Variants in LAMA1 observed in about 807,000 individuals in gnomAD.
The protein encoded by LAMA1 is laminin subunit alpha 1.
A neutral mutation model predicts 348.7 loss-of-function variants in LAMA1; 219 were observed. That is an observed-to-expected ratio of 0.63 (90% CI 0.56 to 0.70). The LOEUF is 0.70. Ranked by LOEUF, LAMA1 falls within the 30% of genes least tolerant of loss-of-function variation. The probability of loss-of-function intolerance (pLI) is 0.00; values close to 1 mark genes in which losing one functional copy is unlikely to be tolerated. For missense variants in LAMA1, 3,744 were observed against 3,888.0 expected, an observed-to-expected ratio of 0.96 and a Z score of 0.99; for synonymous variants, 1,487 against 1,491.0, an observed-to-expected ratio of 1.00 and a Z score of 0.06.
intron 1 of LAMA1, among the ~76,000 whole-genome samples, chr18:7,094,124 C>T (rs1164168774): frequency 6.6e-6 from 1 of 152,042 alleles, no homozygotes. Context: ...GTATCCGGTT[C>T]CAGTGCAGAT....
intron 47 of LAMA1, 165 bp from the exon 48 acceptor site, chr18:6,972,146 C>T: frequency 1.4e-6 from 1 of 712,982 alleles, no homozygotes; most frequent in Non-Finnish European, 2.4e-6. Context: ...GATTTCCTTT[C>T]AGTTATGAAG....
intron 1 of LAMA1, among the ~76,000 whole-genome samples, chr18:7,089,256 G>A (rs561358730): frequency 1.3e-5 from 2 of 152,236 alleles, no homozygotes; most frequent in East Asian, 3.9e-4. Flanking sequence ...TGAAGCACCT[G>A]TAGTCCCACC....
In LAMA1 at chr18:7,007,274, G is replaced by A; in HGVS notation, c.4125C>T (p.Asp1375=). 6.2e-7 allele frequency: 1 copy of A among 1,613,616 alleles called. No individual in the cohort carries two copies. The highest frequency in any genetic ancestry group is 8.5e-7 in the Non-Finnish European group (1 of 1,179,682). The part of the protein sequence containing the change: ...PPGTVGFSCQ[D]CAPGYHRGKL... Reference sequence around the variant, plus strand: ...TCCCTCTGTGGTACCCAGGGGCGCAGTCCTGAGGGGGTGCAAAAGGGAGGA... The same window carrying A: ...TCCCTCTGTGGTACCCAGGGGCGCAATCCTGAGGGGGTGCAAAAGGGAGGA... The change falls in exon 29 of 63, where the codon GAC becomes GAT. Residue 1375 remains aspartate, a splice_region_variant and synonymous_variant. Transcript: ENST00000389658.
chr18:7,103,827 A>C (rs1469861413), intron 1 of LAMA1, among the ~76,000 whole-genome samples: 1 of 150,896 alleles, frequency 6.6e-6, no homozygotes, highest in Non-Finnish European at 1.5e-5. Flanking sequence ...TTAAAAAAAA[A>C]AAAATCCTGC....
intron 29 of LAMA1, among the ~76,000 whole-genome samples, chr18:7,004,507 C>T (rs1400217217): frequency 2.6e-5 from 4 of 152,144 alleles, no homozygotes; most frequent in Non-Finnish European, 5.9e-5. Context: ...CATGAGCCAC[C>T]ACGCCTGGCT....
intron 3 of LAMA1, among the ~76,000 whole-genome samples, chr18:7,067,854 C>T (rs1055522197): frequency 1.4e-5 from 2 of 144,508 alleles, no homozygotes; most frequent in Non-Finnish European, 2.9e-5. Flanking sequence ...GGGTCCTTTT[C>T]GCATTTTTTT....
intron 1 of LAMA1, 118 bp downstream of exon 1, chr18:7,117,542 G>C: frequency 9.4e-7 from 1 of 1,068,488 alleles, no homozygotes; most frequent in Non-Finnish European, 1.3e-6. Context: ...CCCACTCCGA[G>C]GTGGATCAGG....
chr18:7,043,189 G>T, intron 8 of LAMA1, 38 bp downstream of exon 8: 1 of 1,603,040 alleles, frequency 6.2e-7, no homozygotes, highest in Non-Finnish European at 8.5e-7. Flanking sequence ...ACCTGGGGAA[G>T]ATGATGAAGA....
At chr18:6,982,692 C>T (rs1219545330) in intron 40 of LAMA1, 102 bp from the exon 41 acceptor site, 1 of 985,786 alleles carries the variant, frequency 1.0e-6, no homozygotes, top group Non-Finnish European at 1.6e-6. Context: ...AGACACATTC[C>T]CAGCAAGAAA....
At chr18:6,942,761 A>G (rs1458208850) in intron 62 of LAMA1, among the ~76,000 whole-genome samples, 1 of 152,210 alleles carries the variant, frequency 6.6e-6, no homozygotes, top group African/African-American at 2.4e-5. Flanking sequence ...TAACTTAAAA[A>G]AAGTCATACA....
At chr18:6,981,326 AC>A (rs1295422900) in intron 41 of LAMA1, among the ~76,000 whole-genome samples, 1 of 151,318 alleles carries the variant, frequency 6.6e-6, no homozygotes, top group Non-Finnish European at 1.5e-5. Context: ...GGGTTGTAAA[AC>A]CCCTAGGGTG....
chr18:7,023,647 C>G (rs934700415), intron 18 of LAMA1, among the ~76,000 whole-genome samples: 2 of 152,122 alleles, frequency 1.3e-5, no homozygotes, highest in South Asian at 4.1e-4. Context: ...CTCCGGATGC[C>G]GCACAGCCTC....
chr18:6,955,062 C>T, intron 57 of LAMA1: 3 of 443,226 alleles, frequency 6.8e-6, no homozygotes, highest in Non-Finnish European at 1.3e-5. Flanking sequence ...AATAATAGAT[C>T]CAGGAGACTT....
Position 6,978,243 on chromosome 18 carries a change from G to A in LAMA1, c.6143C>T (p.Thr2048Ile), listed in dbSNP as rs756373039. ...AAGCTGGTGTGTCTCTCGTAATGTG[G>A]TGTTGACCCTGGACAGGCTGGCAGA... ...NTSASLSRVN[T>I]TLRETHQLLQ... The change falls in exon 43 of 63, where the codon ACC becomes ATC. Residue 2048 changes from threonine (T) to isoleucine (I), a missense_variant. By Grantham distance (89) the Thr-to-Ile change is moderately conservative. This residue lies in a region of LAMA1 where 1,983 missense variants were observed against 1,934.3 expected (regional missense o/e 1.03). Transcript: ENST00000389658. The A allele has an allele frequency of 1.2e-6, 2 of 1,614,230 alleles. No homozygotes were observed. The highest frequency in any genetic ancestry group is 2.2e-5 in the South Asian group (2 of 91,082).
chr18:6,966,980 T>G (rs1343055787), intron 48 of LAMA1, among the ~76,000 whole-genome samples: 1 of 152,176 alleles, frequency 6.6e-6, no homozygotes, highest in Non-Finnish European at 1.5e-5. Context: ...AGATCATAAT[T>G]ATGTTCCAAA....
In LAMA1 at chr18:7,015,702, G is replaced by C. The variant is rs930688573; in HGVS notation, c.3126+20C>G. The C allele has an allele frequency of 6.2e-7, 1 of 1,612,832 alleles. No homozygotes were observed. Among genetic ancestry groups the C allele is most frequent in the Non-Finnish European group, 8.5e-7 (1 of 1,179,908 alleles). ...CAAAGCAACTCTCAGTTAAGCAAGA[G>C]CGTGGATGACAGTGCTCACCTGGCA... On this transcript the variant is annotated intron_variant, in intron 22 of 62. Transcript: ENST00000389658.
Position 6,956,657 on chromosome 18 carries a change from C to G in LAMA1, c.8073G>C (p.Leu2691Phe). ...CTACTGGAAAAGCCCGGGGCTCTGGCAAGAGCTTGCTGTCCTCTGCATCGG... is the reference window on the plus strand; with the variant it reads ...CTACTGGAAAAGCCCGGGGCTCTGGGAAGAGCTTGCTGTCCTCTGCATCGG... ...LAPDAEDSKL[L>F]PEPRAFPEQC... The change falls in exon 56 of 63, where the codon TTG becomes TTC. Residue 2691 changes from leucine to phenylalanine, a missense_variant. Around this residue, in one of 3 missense-constraint regions of LAMA1, gnomAD observed 1,983 missense variants for 1,934.3 expected, o/e 1.03. Transcript: ENST00000389658. The G allele has an allele frequency of 3.7e-6, 6 of 1,614,160 alleles. No individual in the cohort carries two copies. The South Asian group carries it at 6.6e-5, about 18-fold the overall frequency.
chr18:6,967,433 T>C (rs11874136), intron 48 of LAMA1, among the ~76,000 whole-genome samples: 4,730 of 152,310 alleles, frequency 0.031, 255 homozygotes, highest in African/African-American at 0.11. Context: ...GCTAGACTAC[T>C]AGGGTTCAAA....
At chr18:7,088,674 G>A (rs2058227416) in intron 1 of LAMA1, among the ~76,000 whole-genome samples, 3 of 151,870 alleles carry the variant, frequency 2.0e-5, no homozygotes, top group Non-Finnish European at 4.4e-5. Flanking sequence ...ATGCCACCAT[G>A]CCTGGTTGAT....
Sources: gnomAD v4.1 joint callset for allele counts (sites outside exome capture counted in the v4.1 genomes callset) on GRCh38, gnomAD v4.1.1 for gene constraint, gnomAD v4.1.1 regional missense constraint, MANE v1.5 for transcripts, NCBI Gene and HGNC (gene_info 2026-07-23, HGNC 2026-07-21) for gene names.